Variants in MAP2K6 observed in about 807,000 individuals in gnomAD.
MAP2K6 encodes mitogen-activated protein kinase kinase 6.
MAP2K6 carries 16 observed loss-of-function variants against 53.7 expected under a neutral mutation model. The ratio of observed to expected loss-of-function variants is 0.30; its 90% confidence interval spans 0.20 to 0.45. MAP2K6 has a LOEUF of 0.45. MAP2K6 is among the 20% of genes least tolerant of loss of function. The probability of loss-of-function intolerance (pLI) is 1.00; values close to 1 mark genes in which losing one functional copy is unlikely to be tolerated. For missense variants in MAP2K6, 204 were observed against 411.9 expected (o/e 0.50, Z 4.37); for synonymous variants, 132 against 143.1 (o/e 0.92, Z 0.55).
intron 1 of MAP2K6, among the ~76,000 whole-genome samples, chr17:69,473,370 T>TGTATATGG (rs1341810469): frequency 6.6e-6 from 1 of 152,206 alleles, no homozygotes; most frequent in Admixed American, 6.5e-5. Context: ...AGTATGGTCT[T>TGTATATGG]AATTTTAGGA....
Position 69,546,583 on chromosome 17 carries a change from A to T in MAP2K6, c.*4830A>T, listed in dbSNP as rs1466116104. 1 of 152,158 alleles carries T rather than the reference A, an allele frequency of 6.6e-6. No individual in the cohort carries two copies. Among genetic ancestry groups the T allele is most frequent in the East Asian group, 1.9e-4 (1 of 5,194 alleles). The allele number at this position is 152,158 out of a possible 1,614,324, so 9.4% of individuals were successfully genotyped here. ...CTTTTTTCTTTGGCCTGAAAGGACA[A>T]TGGATACCTAGTTCCTAATTTCCTA... is the stretch of plus-strand genomic sequence containing the variant. On this transcript the variant is annotated 3_prime_UTR_variant, in exon 12 of 12. Transcript: ENST00000590474.
At chr17:69,442,658 G>A (rs1268071568) in intron 1 of MAP2K6, among the ~76,000 whole-genome samples, 1 of 152,150 alleles carries the variant, frequency 6.6e-6, no homozygotes, top group Non-Finnish European at 1.5e-5. Context: ...CAGTTCAATG[G>A]TACAGAAAGA....
chr17:69,415,072 T>C, intron 1 of MAP2K6, 72 bp downstream of exon 1: 1 of 1,424,442 alleles, frequency 7.0e-7, no homozygotes, highest in Non-Finnish European at 9.8e-7. Context: ...ATGGATGCAA[T>C]TTTCGCCTGG....
chr17:69,518,878 T>G (rs569221271), intron 4 of MAP2K6, among the ~76,000 whole-genome samples: 60 of 152,372 alleles, frequency 3.9e-4, no homozygotes, highest in African/African-American at 1.4e-3. Flanking sequence ...TTTGTATAGC[T>G]GTACCAATTC....
intron 1 of MAP2K6, among the ~76,000 whole-genome samples, chr17:69,436,820 C>CT (rs1906658366): frequency 6.6e-6 from 1 of 150,934 alleles, no homozygotes; most frequent in Non-Finnish European, 1.5e-5. Flanking sequence ...CTTTTCTTTT[C>CT]TTTTATTTAT....
In MAP2K6 at chr17:69,519,449, T is replaced by C; in HGVS notation, c.366+17T>C. ...TTTCGGGAGGTAGGTGACCCTTCAA[T>C]TCAAAGTCCAAGAGGAACAATAACT... On this transcript the variant is annotated intron_variant, in intron 5 of 11. Coordinates refer to ENST00000590474, the MANE Select transcript of MAP2K6 (RefSeq NM_002758.4). The C allele has an allele frequency of 6.2e-7, 1 of 1,613,946 alleles. No homozygotes were observed. Among genetic ancestry groups the C allele is most frequent in the Non-Finnish European group, 8.5e-7 (1 of 1,179,894 alleles).
chr17:69,493,694 G>A (rs879433108), intron 1 of MAP2K6, among the ~76,000 whole-genome samples: 36 of 152,234 alleles, frequency 2.4e-4, no homozygotes, highest in Admixed American at 2.0e-4. Flanking sequence ...CCGGGAGACA[G>A]AGGTTGCAAT....
intron 1 of MAP2K6, among the ~76,000 whole-genome samples, chr17:69,492,977 C>A (rs972515026): frequency 2.6e-5 from 4 of 151,268 alleles, no homozygotes; most frequent in African/African-American, 9.8e-5. Context: ...GAATCCAAAG[C>A]CAGCATCATT....
At chr17:69,512,328 G>GTGTTT (rs1909868830) in intron 2 of MAP2K6, among the ~76,000 whole-genome samples, 1 of 75,184 alleles carries the variant, frequency 1.3e-5, no homozygotes, top group Non-Finnish European at 2.6e-5. Context: ...CTTTCTAAGT[G>GTGTTT]TTTTTTTTTT....
At chr17:69,476,197 G>T (rs540698607) in intron 1 of MAP2K6, among the ~76,000 whole-genome samples, 1 of 151,896 alleles carries the variant, frequency 6.6e-6, no homozygotes, top group Non-Finnish European at 1.5e-5. Flanking sequence ...GTATACATAC[G>T]GTCATATATT....
Position 69,470,252 on chromosome 17 carries a change from T to C in MAP2K6, c.17-35528T>C, listed in dbSNP as rs114522114. ...ACAATGTAGTGTGTAGACAACTCTTTAGATAACTTGGATTATGGCTGGAGG... is the reference window on the plus strand; with the variant it reads ...ACAATGTAGTGTGTAGACAACTCTTCAGATAACTTGGATTATGGCTGGAGG... On this transcript the variant is annotated intron_variant, in intron 1 of 11. Transcript: ENST00000590474. Among the ~76,000 whole-genome samples, 372 of 152,288 alleles carry C rather than the reference T, an allele frequency of 2.4e-3. 2 individuals carry two copies. Among genetic ancestry groups the C allele is most frequent in the African/African-American group, 8.7e-3 (362 of 41,582 alleles).
intron 1 of MAP2K6, among the ~76,000 whole-genome samples, chr17:69,424,322 T>C (rs1906193819): frequency 6.6e-6 from 1 of 152,164 alleles, no homozygotes; most frequent in African/African-American, 2.4e-5. Flanking sequence ...ACATCCAGAA[T>C]GATGTAAATT....
In MAP2K6 at chr17:69,548,039, T is replaced by G. The variant is rs1440077697; in HGVS notation, c.*6286T>G. The G allele has an allele frequency of 2.0e-5, 3 of 152,186 alleles. No homozygotes were observed. Among genetic ancestry groups the G allele is most frequent in the Admixed American group, 6.5e-5 (1 of 15,276 alleles). The allele number at this position is 152,186 out of a possible 1,614,324, so 9.4% of individuals were successfully genotyped here. ...CAACTTAGCCACCTCAATTATTTGT[T>G]CACATTTTAAGGAAGTAGGAAAGAG... On this transcript the variant is annotated 3_prime_UTR_variant, in exon 12 of 12. Transcript: ENST00000590474.
At chr17:69,480,950 A>G (rs1165042605) in intron 1 of MAP2K6, among the ~76,000 whole-genome samples, 1 of 151,694 alleles carries the variant, frequency 6.6e-6, no homozygotes, top group Non-Finnish European at 1.5e-5. Context: ...AAATGAGAGA[A>G]TAATAGTTCA....
At chr17:69,506,778 A>G (rs1356432585) in intron 2 of MAP2K6, among the ~76,000 whole-genome samples, 1 of 151,128 alleles carries the variant, frequency 6.6e-6, no homozygotes, top group Non-Finnish European at 1.5e-5. Flanking sequence ...GAAGCAGTAT[A>G]CAGACACTTT....
At position 69,508,231 on chromosome 17, in the gene MAP2K6, CT is replaced by C. The variant is rs562661244; in HGVS notation, c.83+2392del. 2.7e-4 allele frequency among the ~76,000 whole-genome samples: 39 copies of C among 144,202 alleles called. No homozygotes were observed. The South Asian group carries it at 8.2e-3, about 30-fold the overall frequency. The allele number at this position is 144,202 out of a possible 152,430, so 94.6% of individuals were successfully genotyped here. On this transcript the variant is annotated intron_variant, in intron 2 of 11. Transcript: ENST00000590474. ...CATGCCCAGCTGATTTTTTTTTTTTCTTTTTTTGGTAGAGACGGGGTTTCAC... is the reference window on the plus strand; with the variant it reads ...CATGCCCAGCTGATTTTTTTTTTTTCTTTTTTGGTAGAGACGGGGTTTCAC...
chr17:69,437,232 A>G (rs1436976996), intron 1 of MAP2K6, among the ~76,000 whole-genome samples: 1 of 152,232 alleles, frequency 6.6e-6, no homozygotes, highest in African/African-American at 2.4e-5. Flanking sequence ...TTTGTATGTT[A>G]TGTGTATTAT....
intron 1 of MAP2K6, among the ~76,000 whole-genome samples, chr17:69,448,184 A>G (rs1005133538): frequency 2.0e-5 from 3 of 151,020 alleles, no homozygotes; most frequent in South Asian, 2.1e-4. Flanking sequence ...CCCTTACCCC[A>G]CTAGCAATGG....
At chr17:69,536,197 A>T in intron 11 of MAP2K6, 37 bp downstream of exon 11, 1 of 1,543,494 alleles carries the variant, frequency 6.5e-7, no homozygotes, top group Non-Finnish European at 8.9e-7. Flanking sequence ...GACTATACTG[A>T]TAGCTACAAA....
Sources: allele counts gnomAD v4.1 joint callset (sites outside exome capture counted in the v4.1 genomes callset), GRCh38; gene constraint gnomAD v4.1.1; transcripts MANE v1.5; gene names NCBI Gene and HGNC (gene_info 2026-07-23, HGNC 2026-07-21).